TMEM132D: variants seen among roughly 807,000 people sequenced by gnomAD.
The protein encoded by TMEM132D is mature OL transmembrane protein.
TMEM132D carries 21 observed loss-of-function variants against 62.3 expected under a neutral mutation model. The ratio of observed to expected loss-of-function variants is 0.34; its 90% CI spans 0.24 to 0.49. TMEM132D has a LOEUF of 0.49. TMEM132D is among the 20% of genes least tolerant of loss of function. The pLI, the probability that TMEM132D is intolerant of heterozygous loss-of-function variation, is 0.99. For synonymous variants in TMEM132D, 621 were observed against 575.6 expected (o/e 1.08, Z -1.13); for missense variants, 1,346 against 1,402.8 (o/e 0.96, Z 0.65).
intron 2 of TMEM132D, among the ~76,000 whole-genome samples, chr12:129,645,483 A>T (rs1379957162): frequency 6.6e-6 from 1 of 152,168 alleles, no homozygotes; most frequent in Non-Finnish European, 1.5e-5. Context: ...CTTATTGATC[A>T]GTCTGTCTTA....
At chr12:129,562,530 C>T (rs1877264169) in intron 2 of TMEM132D, among the ~76,000 whole-genome samples, 2 of 152,190 alleles carry the variant, frequency 1.3e-5, no homozygotes, top group Admixed American at 1.3e-4. Flanking sequence ...GTATAAATAT[C>T]TGTACTCTTA....
chr12:129,228,167 T>G (rs1018742133), intron 4 of TMEM132D, among the ~76,000 whole-genome samples: 2 of 152,102 alleles, frequency 1.3e-5, no homozygotes, highest in African/African-American at 4.8e-5. Context: ...TGACCTAAGG[T>G]TGTTAGAAAC....
intron 5 of TMEM132D, among the ~76,000 whole-genome samples, chr12:129,205,556 C>T (rs1878821394): frequency 6.6e-6 from 1 of 152,092 alleles, no homozygotes; most frequent in Non-Finnish European, 1.5e-5. Flanking sequence ...GATCCCTATG[C>T]AATAATAGTG....
chr12:129,076,410 T>G (rs1485067201), intron 8 of TMEM132D, among the ~76,000 whole-genome samples: 3 of 152,166 alleles, frequency 2.0e-5, no homozygotes, highest in Non-Finnish European at 4.4e-5. Context: ...AGTGGATTTT[T>G]TTTTCTCTTA....
chr12:129,669,425 C>A lies in TMEM132D; in HGVS notation c.968+30385G>T, dbSNP rs182441035. Among the ~76,000 whole-genome samples the A allele has an allele frequency of 2.6e-5, 4 of 152,208 alleles. No individual in the cohort carries two copies. The East Asian group carries it at 7.8e-4, about 30-fold the overall frequency. ...TTGCTTTTAAAATTGGGAGTTGTGG[C>A]CAGGTGCAGTGGCTCACACCTGTAA... On this transcript the variant is annotated intron_variant, in intron 2 of 8. Transcript: ENST00000422113.
intron 1 of TMEM132D, among the ~76,000 whole-genome samples, chr12:129,729,107 A>G (rs900755166): frequency 1.3e-5 from 2 of 152,240 alleles, no homozygotes; most frequent in African/African-American, 4.8e-5. Flanking sequence ...TGCAAAAATC[A>G]ACAGAATAGC....
At chr12:129,324,860 A>C (rs1008707978) in intron 4 of TMEM132D, among the ~76,000 whole-genome samples, 4 of 152,194 alleles carry the variant, frequency 2.6e-5, no homozygotes, top group African/African-American at 9.6e-5. Context: ...TAACTACTTT[A>C]ATTTTTTTGC....
intron 4 of TMEM132D, among the ~76,000 whole-genome samples, chr12:129,299,130 A>G (rs1881645714): frequency 6.6e-6 from 1 of 152,162 alleles, no homozygotes; most frequent in African/African-American, 2.4e-5. Context: ...ATGACATCTG[A>G]TTTAGTCAAC....
intron 1 of TMEM132D, among the ~76,000 whole-genome samples, chr12:129,814,611 C>CAAA (rs34979485): frequency 0.022 from 2,114 of 94,280 alleles, 82 homozygotes; most frequent in African/African-American, 0.056. Flanking sequence ...AACTCCCTCT[C>CAAA]AAAAAAAAAA....
intron 1 of TMEM132D, among the ~76,000 whole-genome samples, chr12:129,712,717 T>C (rs1010934863): frequency 3.3e-5 from 5 of 152,144 alleles, no homozygotes; most frequent in African/African-American, 1.2e-4. Flanking sequence ...ACGTCTCTAG[T>C]CAATGGGATG....
intron 1 of TMEM132D, among the ~76,000 whole-genome samples, chr12:129,766,849 G>A (rs1870569619): frequency 6.6e-6 from 1 of 152,150 alleles, no homozygotes; most frequent in African/African-American, 2.4e-5. Context: ...GGTGCAGGAA[G>A]CCCAGCTCCA....
intron 1 of TMEM132D, among the ~76,000 whole-genome samples, chr12:129,760,604 C>T (rs11611853): frequency 0.062 from 9,364 of 151,142 alleles, 507 homozygotes; most frequent in African/African-American, 0.14. Context: ...CCTCAAGCCT[C>T]CTGAAGTACT....
At chr12:129,579,421 T>C (rs994845691) in intron 2 of TMEM132D, among the ~76,000 whole-genome samples, 4 of 152,186 alleles carry the variant, frequency 2.6e-5, no homozygotes, top group Admixed American at 2.0e-4. Context: ...AGTCCCATGA[T>C]AGACTATCTG....
At position 129,510,677 on chromosome 12, in the gene TMEM132D, C is replaced by A. The variant is rs969636836; in HGVS notation, c.1115+20382G>T. ...ATAGGGGTCTAGTTTCATTCTTCTG[C>A]ACATGGATAATCAGTTTTCCAAATC... On this transcript the variant is annotated intron_variant, in intron 3 of 8. Transcript: ENST00000422113. Among the ~76,000 whole-genome samples the A allele has an allele frequency of 2.6e-5, 4 of 152,156 alleles. No individual in the cohort carries two copies. In the South Asian group the frequency reaches 6.2e-4, roughly 24 times the overall value.
intron 4 of TMEM132D, among the ~76,000 whole-genome samples, chr12:129,315,116 C>T (rs1868440284): frequency 6.6e-6 from 1 of 152,078 alleles, no homozygotes; most frequent in Admixed American, 6.6e-5. Flanking sequence ...TTCCTTTTTA[C>T]CAGTTGGATG....
intron 2 of TMEM132D, among the ~76,000 whole-genome samples, chr12:129,689,517 C>T (rs187123185): frequency 1.5e-3 from 223 of 152,298 alleles, no homozygotes; most frequent in Middle Eastern, 3.4e-3. Context: ...CAGCATGACT[C>T]TTTGTAAACT....
At chr12:129,303,061 T>C (rs1342192520) in intron 4 of TMEM132D, among the ~76,000 whole-genome samples, 1 of 152,126 alleles carries the variant, frequency 6.6e-6, no homozygotes, top group Non-Finnish European at 1.5e-5. Context: ...GTTCAATCCA[T>C]CAGCAAGCAT....
chr12:129,194,166 T>C (rs960107483), intron 5 of TMEM132D, among the ~76,000 whole-genome samples: 1 of 152,330 alleles, frequency 6.6e-6, no homozygotes, highest in South Asian at 2.1e-4. Context: ...CCCATTTTTT[T>C]CCTCTCCATG....
intron 1 of TMEM132D, among the ~76,000 whole-genome samples, chr12:129,737,353 C>T (rs919342280): frequency 2.0e-5 from 3 of 152,196 alleles, no homozygotes; most frequent in Non-Finnish European, 4.4e-5. Flanking sequence ...AATGCTTAAT[C>T]AGGTGGTGTT....
Sources: gnomAD v4.1 joint callset for allele counts (sites outside exome capture counted in the v4.1 genomes callset) on GRCh38, gnomAD v4.1.1 for gene constraint, MANE v1.5 for transcripts, NCBI Gene and HGNC (gene_info 2026-07-23, HGNC 2026-07-21) for gene names.